Variants in MACROD2 observed in about 807,000 individuals in gnomAD.
MACROD2 encodes mono-ADP ribosylhydrolase 2.
A neutral mutation model predicts 70.4 loss-of-function variants in MACROD2; 36 were observed. That is an observed-to-expected ratio of 0.51 (90% CI 0.39 to 0.68). The LOEUF (loss-of-function observed/expected upper bound fraction) is 0.68, where lower values mean the gene tolerates loss of function less well. MACROD2 is among the 30% of genes least tolerant of loss of function. MACROD2 has a pLI of 0.00. For missense variants in MACROD2, 496 were observed against 538.4 expected (o/e 0.92, Z 0.78); for synonymous variants, 172 against 178.8 (o/e 0.96, Z 0.30).
intron 3 of MACROD2, among the ~76,000 whole-genome samples, chr20:14,131,746 A>G (rs2054720935): frequency 1.3e-5 from 2 of 152,122 alleles, no homozygotes; most frequent in African/African-American, 4.8e-5. Flanking sequence ...AAATTTTTTC[A>G]GAGACAGGAT....
chr20:14,910,910 T>C (rs982265292), intron 5 of MACROD2, among the ~76,000 whole-genome samples: 9 of 152,192 alleles, frequency 5.9e-5, no homozygotes, highest in African/African-American at 2.2e-4. Flanking sequence ...ATAATAAGAA[T>C]TTCATTTTCA....
At chr20:15,526,782 T>G (rs1005025719) in intron 8 of MACROD2, among the ~76,000 whole-genome samples, 9 of 152,188 alleles carry the variant, frequency 5.9e-5, no homozygotes, top group African/African-American at 2.2e-4. Context: ...ATGGCTTGGT[T>G]GATCTGGGCA....
At chr20:15,508,509 A>G (rs1048401080) in intron 8 of MACROD2, among the ~76,000 whole-genome samples, 2 of 152,182 alleles carry the variant, frequency 1.3e-5, no homozygotes, top group Admixed American at 1.3e-4. Context: ...CCAAAGATGC[A>G]TTCTGTCTTC....
intron 10 of MACROD2, among the ~76,000 whole-genome samples, chr20:15,894,627 G>C (rs534362343): frequency 1.3e-5 from 2 of 152,200 alleles, no homozygotes; most frequent in East Asian, 3.9e-4. Context: ...CTCTACACAA[G>C]GAGCAAAGGA....
intron 6 of MACROD2, among the ~76,000 whole-genome samples, chr20:15,416,154 C>A (rs2146331858): frequency 1.3e-5 from 2 of 152,240 alleles, no homozygotes; most frequent in Middle Eastern, 6.8e-3. Context: ...TGCTCATTTC[C>A]ATAATAGACT....
chr20:15,799,591 C>T lies in MACROD2; in HGVS notation c.646-63154C>T, dbSNP rs570157119. On this transcript the variant is annotated intron_variant, in intron 8 of 17. Coordinates refer to ENST00000684519, the MANE Select transcript of MACROD2 (RefSeq NM_001351661.2). ...ATTTCACTTAAAATAATGCCTCCAC[C>T]TCTATTCCTGTTTCTTGCAAATAAC... Among the ~76,000 whole-genome samples the T allele has an allele frequency of 5.3e-5, 8 of 152,182 alleles. No individual in the cohort carries two copies. In the South Asian group the frequency reaches 6.2e-4, roughly 12 times the overall value.
intron 13 of MACROD2, among the ~76,000 whole-genome samples, chr20:15,980,495 A>AT (rs944257054): frequency 6.6e-6 from 1 of 152,156 alleles, no homozygotes; most frequent in African/African-American, 2.4e-5. Flanking sequence ...AGCGATGAAG[A>AT]TTTTTTATCA....
At chr20:14,375,764 G>C (rs373359887) in intron 3 of MACROD2, among the ~76,000 whole-genome samples, 14 of 152,142 alleles carry the variant, frequency 9.2e-5, no homozygotes, top group Non-Finnish European at 1.3e-4. Flanking sequence ...TGTAGATATC[G>C]TGGAAACCAA....
chr20:15,108,468 A>G (rs2075929013), intron 5 of MACROD2, among the ~76,000 whole-genome samples: 1 of 152,148 alleles, frequency 6.6e-6, no homozygotes, highest in South Asian at 2.1e-4. Flanking sequence ...CCACATTGCT[A>G]CAACTCATGG....
chr20:15,385,903 G>C (rs1233082479), intron 6 of MACROD2, among the ~76,000 whole-genome samples: 1 of 152,120 alleles, frequency 6.6e-6, no homozygotes, highest in Non-Finnish European at 1.5e-5. Context: ...TAAAATAACA[G>C]TTCTAAGACT....
In MACROD2 at chr20:14,137,786, C is replaced by G. The variant is rs528094609; in HGVS notation, c.271+52058C>G. Reference sequence around the variant, plus strand: ...TAAAAGTAAGAATAAACAAGTGGGACTACACTAAACTAATAGGTTTCTGCT... The same window carrying G: ...TAAAAGTAAGAATAAACAAGTGGGAGTACACTAAACTAATAGGTTTCTGCT... On this transcript the variant is annotated intron_variant, in intron 3 of 17. Transcript: ENST00000684519. Among the ~76,000 whole-genome samples the G allele has an allele frequency of 3.5e-4, 54 of 152,118 alleles. 1 individual carries two copies. Among genetic ancestry groups the G allele is most frequent in the African/African-American group, 1.3e-3 (54 of 41,514 alleles).
rs548293263 is a variant in MACROD2 at position 15,458,904 on chromosome 20, T to G, written c.571+27469T>G. Among the ~76,000 whole-genome samples the G allele has an allele frequency of 2.6e-5, 4 of 152,170 alleles. No individual in the cohort carries two copies. In the South Asian group the frequency reaches 6.2e-4, roughly 24 times the overall value. ...TAACCCCTCAGTGGTGCGTACTGTG[T>G]GAGCAGTGGAGAGTCCTTAGGCTTT... On this transcript the variant is annotated intron_variant, in intron 7 of 17. Coordinates refer to ENST00000684519, the MANE Select transcript of MACROD2 (RefSeq NM_001351661.2).
chr20:15,175,715 G>T (rs199298), intron 5 of MACROD2, among the ~76,000 whole-genome samples: 141,967 of 152,252 alleles, frequency 0.93, 66,304 homozygotes, highest in African/African-American at 0.97. Context: ...GAGTTTTCAT[G>T]TTTAGTTTTT....
intron 5 of MACROD2, among the ~76,000 whole-genome samples, chr20:14,780,571 A>AG (rs1343755846): frequency 6.6e-6 from 1 of 151,754 alleles, no homozygotes; most frequent in Non-Finnish European, 1.5e-5. Context: ...TCAAAAAAAA[A>AG]AAAAAAAAGT....
At chr20:14,111,305 A>G (rs2054448145) in intron 3 of MACROD2, among the ~76,000 whole-genome samples, 1 of 152,048 alleles carries the variant, frequency 6.6e-6, no homozygotes, top group Non-Finnish European at 1.5e-5. Context: ...GGTCTGGGCA[A>G]AATTTTCCTG....
intron 4 of MACROD2, among the ~76,000 whole-genome samples, chr20:14,541,357 T>C (rs2085429578): frequency 6.6e-6 from 1 of 152,142 alleles, no homozygotes; most frequent in Non-Finnish European, 1.5e-5. Context: ...CCTCTCTGTT[T>C]CTTCCTCTTA....
intron 2 of MACROD2, among the ~76,000 whole-genome samples, chr20:14,013,204 T>C (rs540164720): frequency 2.6e-5 from 4 of 152,210 alleles, no homozygotes; most frequent in Non-Finnish European, 5.9e-5. Flanking sequence ...ATATATTTAT[T>C]GAAAGAATCA....
intron 5 of MACROD2, among the ~76,000 whole-genome samples, chr20:14,959,868 A>G (rs1396544117): frequency 6.6e-6 from 1 of 152,188 alleles, no homozygotes; most frequent in Admixed American, 6.5e-5. Context: ...GACTTTAGAA[A>G]ACCCATCTGT....
At chr20:15,382,593 G>A (rs1033188353) in intron 6 of MACROD2, among the ~76,000 whole-genome samples, 3 of 152,152 alleles carry the variant, frequency 2.0e-5, no homozygotes, top group African/African-American at 7.2e-5. Flanking sequence ...ACTCAGAGAA[G>A]CTGTATATAT....
Sources: allele counts gnomAD v4.1 joint callset (sites outside exome capture counted in the v4.1 genomes callset), GRCh38; gene constraint gnomAD v4.1.1; transcripts MANE v1.5; gene names NCBI Gene and HGNC (gene_info 2026-07-23, HGNC 2026-07-21).